The following ZNHIT6 variants were observed in gnomAD, a reference collection of about 807,000 sequenced individuals.
ZNHIT6 encodes the protein box C/D snoRNA protein 1.
ZNHIT6 carries 45 observed loss-of-function variants against 57.2 expected under a neutral mutation model. That is an observed-to-expected ratio of 0.79 (90% CI 0.62 to 1.01). The LOEUF is 1.01. Among genes scored for constraint, ZNHIT6 ranks in the 50% least tolerant of loss-of-function variants. The pLI is 0.00. For missense variants in ZNHIT6, 528 were observed against 567.3 expected, an observed-to-expected ratio of 0.93 and a Z score of 0.70; for synonymous variants, 188 against 190.0, an observed-to-expected ratio of 0.99 and a Z score of 0.09.
intron 5 of ZNHIT6, among the ~76,000 whole-genome samples, chr1:85,686,358 T>A (rs1301909544): frequency 1.3e-5 from 2 of 152,174 alleles, no homozygotes; most frequent in African/African-American, 2.4e-5. Flanking sequence ...TATATTTCTC[T>A]TTTTTATCTT....
chr1:85,666,559 A>G (rs1661375799), intron 8 of ZNHIT6, among the ~76,000 whole-genome samples: 1 of 152,182 alleles, frequency 6.6e-6, no homozygotes, highest in Non-Finnish European at 1.5e-5. Context: ...TAACCTTCTC[A>G]GGTTGAAAGC....
chr1:85,658,066 T>A, intron 8 of ZNHIT6, 95 bp from the exon 9 acceptor site: 1 of 872,804 alleles, frequency 1.1e-6, no homozygotes, highest in Non-Finnish European at 1.6e-6. Context: ...ATTAAAAATT[T>A]TTTAAAGGTG....
chr1:85,691,746 C>T (rs959703981), intron 5 of ZNHIT6, among the ~76,000 whole-genome samples: 2 of 151,636 alleles, frequency 1.3e-5, no homozygotes, highest in Non-Finnish European at 2.9e-5. Context: ...ATTAGCAGAG[C>T]GTGGTGGTGC....
chr1:85,674,199 C>T lies in ZNHIT6; in HGVS notation c.1247+3037G>A, dbSNP rs541975242. Among the ~76,000 whole-genome samples the T allele has an allele frequency of 9.9e-5, 15 of 152,228 alleles. 1 individual carries two copies. In the East Asian group the frequency reaches 2.5e-3, roughly 25 times the overall value. Reference sequence around the variant, plus strand: ...TAGTATTTTCATATATTACTTAGTTCGAGTCAATAGCAAAAATGGGGGAAT... The same window carrying T: ...TAGTATTTTCATATATTACTTAGTTTGAGTCAATAGCAAAAATGGGGGAAT... On this transcript the variant is annotated intron_variant, in intron 8 of 9. Coordinates refer to ENST00000370574, the MANE Select transcript of ZNHIT6 (RefSeq NM_017953.4).
At chr1:85,679,495 T>C (rs1308181998) in intron 6 of ZNHIT6, among the ~76,000 whole-genome samples, 1 of 151,760 alleles carries the variant, frequency 6.6e-6, no homozygotes, top group Non-Finnish European at 1.5e-5. Context: ...ATGCTAAATA[T>C]ACTACTTAAA....
At chr1:85,676,407 ATTTCCTTCAAGAATT>A (rs1035997461) in intron 8 of ZNHIT6, among the ~76,000 whole-genome samples, 17 of 151,938 alleles carry the variant, frequency 1.1e-4, no homozygotes, top group African/African-American at 3.1e-4. Context: ...AGCACTTTTA[ATTTCCTTCAAGAATT>A]TTTCCTTTGC....
Position 85,707,999 on chromosome 1 carries a change from A to G in ZNHIT6, c.286T>C (p.Trp96Arg), listed in dbSNP as rs1662741415. 4.3e-6 allele frequency: 7 copies of G among 1,613,770 alleles called. No individual in the cohort carries two copies. The highest frequency in any genetic ancestry group is 1.3e-5 in the African/African-American group (1 of 74,894). The change falls in exon 1 of 10, where the codon TGG becomes CGG. Residue 96 changes from tryptophan to arginine, a missense_variant. By Grantham distance (101) the Trp-to-Arg change is moderately radical. Coordinates refer to ENST00000370574, the MANE Select transcript of ZNHIT6 (RefSeq NM_017953.4). Reference sequence around the variant, plus strand: ...CTATCCTCCACCTCCTGTTCTACCCACTGGCCAGCCAACCTGCCTTCTGTA... The same window carrying G: ...CTATCCTCCACCTCCTGTTCTACCCGCTGGCCAGCCAACCTGCCTTCTGTA... ...PGTEGRLAGQ[W>R]VEQEVEDRPE... is the part of the protein sequence containing the mutation.
Position 85,701,941 on chromosome 1 carries a change from GACACACACAC to G in ZNHIT6, c.1019+206_1019+215del, listed in dbSNP as rs3059888. 7.2e-3 allele frequency among the ~76,000 whole-genome samples: 1,078 copies of G among 150,396 alleles called. 22 individuals are homozygous for G. Among genetic ancestry groups the G allele is most frequent in the East Asian group, 0.045 (229 of 5,090 alleles). ...TGAGAAGCTTCTCAAATGATATGAAGACACACACACACACACACACACACGCACACACTGC... is the reference window on the plus strand; with the variant it reads ...TGAGAAGCTTCTCAAATGATATGAAGACACACACACACACGCACACACTGC... On this transcript the variant is annotated intron_variant, in intron 5 of 9. Coordinates refer to ENST00000370574, the MANE Select transcript of ZNHIT6 (RefSeq NM_017953.4).
At position 85,653,813 on chromosome 1, in the gene ZNHIT6, G is replaced by A; in HGVS notation, c.*245C>T. The A allele has an allele frequency of 2.6e-6, 1 of 390,568 alleles. No homozygotes were observed. The highest frequency in any genetic ancestry group is 4.5e-6 in the Non-Finnish European group (1 of 221,786). 24.2% of individuals were successfully genotyped at this position (390,568 alleles called of 1,614,324 possible). ...AGCAATTAAGCATATTAAAAAGCCAGGGCCTAATAAGTACTATGCTGATCA... is the reference window on the plus strand; with the variant it reads ...AGCAATTAAGCATATTAAAAAGCCAAGGCCTAATAAGTACTATGCTGATCA... On this transcript the variant is annotated 3_prime_UTR_variant, in exon 10 of 10. Coordinates refer to ENST00000370574, the MANE Select transcript of ZNHIT6 (RefSeq NM_017953.4).
At chr1:85,695,430 G>A (rs1662338445) in intron 5 of ZNHIT6, among the ~76,000 whole-genome samples, 1 of 152,130 alleles carries the variant, frequency 6.6e-6, no homozygotes, top group African/African-American at 2.4e-5. Flanking sequence ...TATGTGGGTA[G>A]ATTATACTTT....
intron 9 of ZNHIT6, among the ~76,000 whole-genome samples, chr1:85,655,282 CT>C (rs1661030772): frequency 6.6e-6 from 1 of 152,118 alleles, no homozygotes. Flanking sequence ...CCTCCTCTCT[CT>C]CCCTGCAAAA....
chr1:85,664,924 C>G (rs567939703), intron 8 of ZNHIT6, among the ~76,000 whole-genome samples: 2 of 152,124 alleles, frequency 1.3e-5, no homozygotes, highest in East Asian at 1.9e-4. Context: ...CTCTGCTTCT[C>G]GGGTTCAAGC....
In ZNHIT6 at chr1:85,708,369, A is replaced by G. The variant is rs113666853; in HGVS notation, c.-85T>C. 1.6e-4 allele frequency: 243 copies of G among 1,485,264 alleles called. 1 individual carries two copies. In the African/African-American group the frequency reaches 2.7e-3, roughly 16 times the overall value. The allele number at this position is 1,485,264 out of a possible 1,614,324, so 92.0% of individuals were successfully genotyped here. A position where few individuals can be genotyped will look rare whatever the true frequency, so the allele number is the denominator to read the frequency against. On this transcript the variant is annotated 5_prime_UTR_variant, in exon 1 of 10. Coordinates refer to ENST00000370574, the MANE Select transcript of ZNHIT6 (RefSeq NM_017953.4). ...AATAGGAGGAATTACCGGTCGGAAT[A>G]CCTACGGCGGCCCACGTGTGGAGCC...
At chr1:85,691,624 C>A (rs187745195) in intron 5 of ZNHIT6, among the ~76,000 whole-genome samples, 1 of 152,358 alleles carries the variant, frequency 6.6e-6, no homozygotes, top group East Asian at 1.9e-4. Flanking sequence ...AGGCTGGGTA[C>A]ACTGGCTCAC....
Position 85,706,171 on chromosome 1 carries a change from T to C in ZNHIT6, c.830-8A>G. The C allele has an allele frequency of 1.2e-6, 2 of 1,613,168 alleles. No homozygotes were observed. The highest frequency in any genetic ancestry group is 1.7e-6 in the Non-Finnish European group (2 of 1,179,518). ...CTTCCAAAAATCGATAATCTAAAAA[T>C]TTCAAAACAGAAGAATAAACAAGTG... On this transcript the variant is annotated splice_polypyrimidine_tract_variant and splice_region_variant and intron_variant, in intron 3 of 9. Transcript: ENST00000370574.
Position 85,656,712 on chromosome 1 carries a change from T to C in ZNHIT6, c.1372+1135A>G, listed in dbSNP as rs539073930. Among the ~76,000 whole-genome samples, 2 of 152,196 alleles carry C rather than the reference T, an allele frequency of 1.3e-5. 1 individual carries two copies. The highest frequency in any genetic ancestry group is 4.1e-4 in the South Asian group (2 of 4,826). On this transcript the variant is annotated intron_variant, in intron 9 of 9. Coordinates refer to ENST00000370574, the MANE Select transcript of ZNHIT6 (RefSeq NM_017953.4). ...TTGTGAAAAATATTAATGTCAAGAATAAAAATAAGATTTAGAGGCCCATAA... is the reference window on the plus strand; with the variant it reads ...TTGTGAAAAATATTAATGTCAAGAACAAAAATAAGATTTAGAGGCCCATAA...
At chr1:85,654,916 C>T (rs539812818) in intron 9 of ZNHIT6, among the ~76,000 whole-genome samples, 1 of 152,274 alleles carries the variant, frequency 6.6e-6, no homozygotes, top group Non-Finnish European at 1.5e-5. Context: ...AGAGGCAGAG[C>T]AAATGCTCAA....
intron 5 of ZNHIT6, among the ~76,000 whole-genome samples, chr1:85,684,438 A>G (rs1187340414): frequency 2.6e-5 from 4 of 152,188 alleles, no homozygotes; most frequent in African/African-American, 9.7e-5. Flanking sequence ...AGGGCCAACA[A>G]AATCTTGCTA....
chr1:85,658,089 TA>T (rs1052930447), intron 8 of ZNHIT6, 118 bp from the exon 9 acceptor site: 8 of 628,130 alleles, frequency 1.3e-5, no homozygotes, highest in African/African-American at 1.9e-5. Flanking sequence ...GACAATTCAG[TA>T]GTTACTTCCT....
Sources: gnomAD v4.1 joint callset for allele counts (sites outside exome capture counted in the v4.1 genomes callset) on GRCh38, gnomAD v4.1.1 for gene constraint, MANE v1.5 for transcripts, NCBI Gene and HGNC (gene_info 2026-07-23, HGNC 2026-07-21) for gene names.